EBF1: variants seen among roughly 807,000 people sequenced by gnomAD.
EBF1 encodes the protein EBF transcription factor 1, also known as transcription factor COE1.
In EBF1, 10 loss-of-function variants were observed where a neutral mutation model predicts 68.4. The observed-to-expected ratio is 0.15, with a 90% CI of 0.09 to 0.25. The LOEUF is 0.25. Among genes scored for constraint, EBF1 ranks in the 10% least tolerant of loss-of-function variants. The pLI, the probability that EBF1 is intolerant of heterozygous loss-of-function variation, is 1.00. For synonymous variants in EBF1, 298 were observed against 299.8 expected (o/e 0.99, Z 0.06); for missense variants, 509 against 794.4 (o/e 0.64, Z 4.32).
chr5:158,825,798 T>G (rs1332544580), intron 7 of EBF1, among the ~76,000 whole-genome samples: 1 of 152,014 alleles, frequency 6.6e-6, no homozygotes, highest in East Asian at 1.9e-4. Flanking sequence ...AGCTAATACG[T>G]TCCTCAAAAA....
At chr5:158,984,465 A>G (rs1317136821) in intron 6 of EBF1, among the ~76,000 whole-genome samples, 1 of 152,186 alleles carries the variant, frequency 6.6e-6, no homozygotes, top group Non-Finnish European at 1.5e-5. Flanking sequence ...GCTCAGGACA[A>G]TTCTAATGGT....
At position 158,704,866 on chromosome 5, in the gene EBF1, A is replaced by T. The variant is rs139564903; in HGVS notation, c.1744+3113T>A. ...AGCACCTGGGGGTGCAGTGGGCAGA[A>T]AGAAGAGCTTAAAGTGAGATGTTTA... On this transcript the variant is annotated intron_variant, in intron 15 of 15. Coordinates refer to ENST00000313708, the MANE Select transcript of EBF1 (RefSeq NM_024007.5). 5.3e-4 allele frequency among the ~76,000 whole-genome samples: 81 copies of T among 152,318 alleles called. No homozygotes were observed. In the East Asian group the frequency reaches 0.015, roughly 28 times the overall value.
intron 6 of EBF1, among the ~76,000 whole-genome samples, chr5:158,892,717 T>C (rs1190823272): frequency 6.6e-6 from 1 of 152,194 alleles, no homozygotes; most frequent in East Asian, 1.9e-4. Flanking sequence ...ATATCTTTGA[T>C]GCATAAACAA....
At chr5:159,026,880 C>T (rs1423248832) in intron 6 of EBF1, among the ~76,000 whole-genome samples, 1 of 152,152 alleles carries the variant, frequency 6.6e-6, no homozygotes, top group Non-Finnish European at 1.5e-5. Flanking sequence ...AAAAGTAGGC[C>T]TCTGCCTGCA....
chr5:158,753,601 A>T (rs984114558), intron 10 of EBF1, among the ~76,000 whole-genome samples: 2 of 151,994 alleles, frequency 1.3e-5, no homozygotes. Flanking sequence ...TCAACCAGAT[A>T]TTTTTTCTCC....
At chr5:159,033,637 T>C (rs985548725) in intron 6 of EBF1, among the ~76,000 whole-genome samples, 21 of 152,212 alleles carry the variant, frequency 1.4e-4, no homozygotes, top group African/African-American at 4.1e-4. Context: ...CTGGGATGCA[T>C]AGCACATCAA....
At chr5:159,049,945 C>T (rs563495203) in intron 6 of EBF1, among the ~76,000 whole-genome samples, 130 of 152,294 alleles carry the variant, frequency 8.5e-4, no homozygotes, top group African/African-American at 2.9e-3. Context: ...TGGGTCCTAA[C>T]GCTTTCTCTT....
chr5:158,884,077 A>T (rs186330674), intron 6 of EBF1, among the ~76,000 whole-genome samples: 170 of 152,304 alleles, frequency 1.1e-3, no homozygotes, highest in Non-Finnish European at 1.8e-3. Flanking sequence ...CACCCTGTAA[A>T]GTTTCTGGCA....
In EBF1 at chr5:158,829,753, G is replaced by A. The variant is rs558791784; in HGVS notation, c.637-6436C>T. ...GTCAGCTGAACTACTTTGCAGACTC[G>A]TCAAATGTTAGAGTCACAAGAGACT... On this transcript the variant is annotated intron_variant, in intron 7 of 15. Transcript: ENST00000313708. 5.9e-5 allele frequency among the ~76,000 whole-genome samples: 9 copies of A among 152,158 alleles called. No homozygotes were observed. In the South Asian group the frequency reaches 6.2e-4, roughly 11 times the overall value.
intron 6 of EBF1, among the ~76,000 whole-genome samples, chr5:158,866,321 C>T (rs1330739018): frequency 6.6e-6 from 1 of 152,142 alleles, no homozygotes; most frequent in East Asian, 1.9e-4. Flanking sequence ...CTGAGAGATC[C>T]TTAGGGAGTA....
chr5:159,006,510 C>A (rs77741324), intron 6 of EBF1, among the ~76,000 whole-genome samples: 3,454 of 152,022 alleles, frequency 0.023, 152 homozygotes, highest in African/African-American at 0.079. Context: ...TTTTATTCCT[C>A]TCTTAGAGAA....
chr5:158,779,059 T>A (rs892946640), intron 9 of EBF1, among the ~76,000 whole-genome samples: 7 of 152,154 alleles, frequency 4.6e-5, no homozygotes, highest in South Asian at 2.1e-4. Context: ...AAAGAGGCTC[T>A]GAAGGGCAGT....
intron 6 of EBF1, among the ~76,000 whole-genome samples, chr5:158,933,101 T>C (rs1811238465): frequency 6.6e-6 from 1 of 152,164 alleles, no homozygotes; most frequent in African/African-American, 2.4e-5. Flanking sequence ...TTTTTCTTCC[T>C]AATCAGTGAG....
chr5:158,765,027 C>T (rs1362799643), intron 10 of EBF1, among the ~76,000 whole-genome samples: 2 of 152,154 alleles, frequency 1.3e-5, no homozygotes, highest in Non-Finnish European at 2.9e-5. Context: ...AGTACATTTA[C>T]TTGTTTCTAC....
At chr5:159,069,875 AG>A (rs1295314054) in intron 6 of EBF1, among the ~76,000 whole-genome samples, 1 of 152,174 alleles carries the variant, frequency 6.6e-6, no homozygotes, top group East Asian at 1.9e-4. Context: ...CCAAGGAAAA[AG>A]GTTAGGACAC....
At chr5:158,826,392 C>T (rs1786124411) in intron 7 of EBF1, among the ~76,000 whole-genome samples, 2 of 152,150 alleles carry the variant, frequency 1.3e-5, no homozygotes, top group Admixed American at 6.5e-5. Flanking sequence ...CCACACTGAG[C>T]GTTTCATAGC....
At chr5:158,777,609 C>G (rs566267567) in intron 9 of EBF1, 70 bp from the exon 10 acceptor site, 2 of 1,461,026 alleles carry the variant, frequency 1.4e-6, no homozygotes, top group Admixed American at 2.2e-5. Flanking sequence ...CCTAATAGCT[C>G]TCCATAAACA....
chr5:159,080,279 C>T (rs1454931339), intron 5 of EBF1, among the ~76,000 whole-genome samples: 2 of 152,256 alleles, frequency 1.3e-5, no homozygotes, highest in East Asian at 3.9e-4. Context: ...AGTATTTCCT[C>T]CCTTCTCTGA....
chr5:159,048,885 T>G (rs1451016856), intron 6 of EBF1, among the ~76,000 whole-genome samples: 4 of 152,218 alleles, frequency 2.6e-5, no homozygotes, highest in African/African-American at 9.7e-5. Flanking sequence ...TCTGAGGACA[T>G]CTGTGGATGT....
Sources: allele counts gnomAD v4.1 joint callset (sites outside exome capture counted in the v4.1 genomes callset), GRCh38; gene constraint gnomAD v4.1.1; transcripts MANE v1.5; gene names NCBI Gene and HGNC (gene_info 2026-07-23, HGNC 2026-07-21).